Variants in KALRN observed in about 807,000 individuals in gnomAD.
KALRN encodes the protein kalirin RhoGEF kinase, also known as kalirin.
KALRN carries 70 observed loss-of-function variants against 353.7 expected under a neutral mutation model. The ratio of observed to expected loss-of-function variants is 0.20; its 90% CI spans 0.16 to 0.24. The LOEUF (loss-of-function observed/expected upper bound fraction) is 0.24, where lower values mean the gene tolerates loss of function less well. KALRN is among the 10% of genes least tolerant of loss of function. The probability of loss-of-function intolerance (pLI) is 1.00; values close to 1 mark genes in which losing one functional copy is unlikely to be tolerated. For missense variants in KALRN, 2,791 were observed against 3,756.7 expected, an observed-to-expected ratio of 0.74 and a Z score of 6.72; for synonymous variants, 1,391 against 1,434.8, an observed-to-expected ratio of 0.97 and a Z score of 0.69.
At chr3:124,164,233 C>T (rs1320949165) in intron 1 of KALRN, 1 of 153,326 alleles carries the variant, frequency 6.5e-6, no homozygotes, top group Non-Finnish European at 1.4e-5. Context: ...AATCTTGGAT[C>T]CAGGGCTAAA....
chr3:124,447,002 AG>A lies in KALRN; in HGVS notation c.3552+123del, dbSNP rs927058011. ...GCAAAAATACCTGGCTACAGTGGCA[AG>A]GGGGGAAGCATGTAAATGTCCTAAA... On this transcript the variant is annotated intron_variant, in intron 21 of 59. Coordinates refer to ENST00000682506, the MANE Select transcript of KALRN (RefSeq NM_001388419.1). 23 of 1,180,696 alleles carry A rather than the reference AG, an allele frequency of 1.9e-5. No homozygotes were observed. In the African/African-American group the frequency reaches 2.9e-4, roughly 15 times the overall value. 73.1% of individuals were successfully genotyped at this position (1,180,696 alleles called of 1,614,324 possible). A position where few individuals can be genotyped will look rare whatever the true frequency, so the allele number is the denominator to read the frequency against.
intron 10 of KALRN, among the ~76,000 whole-genome samples, chr3:124,369,355 G>A (rs2085500605): frequency 6.6e-6 from 1 of 152,056 alleles, no homozygotes; most frequent in African/African-American, 2.4e-5. Flanking sequence ...GTGGAACATT[G>A]CAAAGATGTG....
intron 33 of KALRN, among the ~76,000 whole-genome samples, chr3:124,532,789 A>G (rs1467851144): frequency 2.0e-5 from 3 of 152,172 alleles, no homozygotes; most frequent in Non-Finnish European, 1.5e-5. Context: ...CGACAGAGGA[A>G]GACTCTGTCT....
intron 1 of KALRN, among the ~76,000 whole-genome samples, chr3:124,081,048 C>T (rs190704386): frequency 2.0e-3 from 306 of 152,308 alleles, no homozygotes; most frequent in African/African-American, 6.7e-3. Flanking sequence ...CCCAACTATA[C>T]GCTCATCCCA....
chr3:124,329,380 G>A (rs1315191757), intron 7 of KALRN, among the ~76,000 whole-genome samples: 1 of 152,144 alleles, frequency 6.6e-6, no homozygotes, highest in Non-Finnish European at 1.5e-5. Flanking sequence ...AGTTTCCTGG[G>A]GTTCCTGGTG....
At chr3:124,701,220 G>T (rs749361835) in intron 56 of KALRN, among the ~76,000 whole-genome samples, 1 of 152,204 alleles carries the variant, frequency 6.6e-6, no homozygotes. Context: ...GCACGCGTGC[G>T]TGAATCATTG....
In KALRN at chr3:124,298,811, C is replaced by T; in HGVS notation, c.990C>T (p.His330=). 6.2e-7 allele frequency: 1 copy of T among 1,614,168 alleles called. No homozygotes were observed. Among genetic ancestry groups the T allele is most frequent in the Non-Finnish European group, 8.5e-7 (1 of 1,180,012 alleles). Residue 330 remains histidine, a synonymous_variant, in exon 6 of 60, where the codon CAC becomes CAT. Coordinates refer to ENST00000682506, the MANE Select transcript of KALRN (RefSeq NM_001388419.1). ...TCTAGATGTTTGACTGGATAAGCCA[C>T]AACAAGGAGTTATTCCTCCAGAGCC... ...DAEKMFDWIS[H]NKELFLQSHT... is the part of the protein sequence containing the mutation.
intron 1 of KALRN, among the ~76,000 whole-genome samples, chr3:124,205,088 G>C (rs2076297123): frequency 6.6e-6 from 1 of 152,190 alleles, no homozygotes; most frequent in Non-Finnish European, 1.5e-5. Flanking sequence ...AGGACATAGT[G>C]TTGCCTTGCC....
intron 1 of KALRN, chr3:124,152,449 T>C: frequency 7.6e-7 from 1 of 1,310,326 alleles, no homozygotes. Context: ...TGCAGGTACA[T>C]AGAAGTTGCC....
At chr3:124,661,809 G>A in intron 44 of KALRN, 42 bp from the exon 45 acceptor site, 1 of 1,481,862 alleles carries the variant, frequency 6.7e-7, no homozygotes, top group Non-Finnish European at 9.4e-7. Context: ...TCCTGCCTGA[G>A]TGCTGTTCCC....
At chr3:124,183,075 G>A (rs2073818388) in intron 1 of KALRN, among the ~76,000 whole-genome samples, 1 of 152,132 alleles carries the variant, frequency 6.6e-6, no homozygotes, top group African/African-American at 2.4e-5. Context: ...AGGCTTTCAA[G>A]AGGTGATTAA....
chr3:124,266,869 A>C (rs2148906393), intron 4 of KALRN, among the ~76,000 whole-genome samples: 1 of 152,344 alleles, frequency 6.6e-6, no homozygotes, highest in African/African-American at 2.4e-5. Context: ...TGGCTTGTTT[A>C]TACAGAGGTG....
At chr3:124,394,982 G>A (rs2089969770) in intron 11 of KALRN, among the ~76,000 whole-genome samples, 153 bp from the exon 12 acceptor site, 1 of 152,082 alleles carries the variant, frequency 6.6e-6, no homozygotes, top group East Asian at 1.9e-4. Context: ...GAATATAAAT[G>A]TAAAAACACA....
chr3:124,176,899 T>C (rs2150162174), intron 1 of KALRN, among the ~76,000 whole-genome samples: 1 of 152,308 alleles, frequency 6.6e-6, no homozygotes, highest in African/African-American at 2.4e-5. Context: ...GGAGATTACC[T>C]CTTACCTGAT....
At chr3:124,064,920 C>T (rs974131215) in intron 1 of KALRN, among the ~76,000 whole-genome samples, 2 of 152,180 alleles carry the variant, frequency 1.3e-5, no homozygotes, top group Non-Finnish European at 2.9e-5. Context: ...CAGGATGACC[C>T]CCCAATCCCT....
At chr3:124,348,627 A>G (rs1342906939) in intron 10 of KALRN, among the ~76,000 whole-genome samples, 2 of 152,174 alleles carry the variant, frequency 1.3e-5, no homozygotes, top group Non-Finnish European at 2.9e-5. Flanking sequence ...GTGGAAAACA[A>G]TGTGGAGGGT....
intron 51 of KALRN, among the ~76,000 whole-genome samples, chr3:124,686,962 C>A (rs181529847): frequency 6.6e-6 from 1 of 151,648 alleles, no homozygotes; most frequent in Non-Finnish European, 1.5e-5. Context: ...ACTACAGGCA[C>A]GTGCCACCAT....
At chr3:124,483,361 G>C (rs1470137158) in intron 28 of KALRN, among the ~76,000 whole-genome samples, 2 of 152,082 alleles carry the variant, frequency 1.3e-5, no homozygotes, top group African/African-American at 2.4e-5. Flanking sequence ...GACCAGCCTG[G>C]CCAACATGGC....
At chr3:124,126,740 G>A (rs1344323854) in intron 1 of KALRN, among the ~76,000 whole-genome samples, 1 of 152,192 alleles carries the variant, frequency 6.6e-6, no homozygotes, top group Non-Finnish European at 1.5e-5. Flanking sequence ...AAGCTCTGCT[G>A]TACCATGCTC....
Sources: allele counts gnomAD v4.1 joint callset (sites outside exome capture counted in the v4.1 genomes callset), GRCh38; gene constraint gnomAD v4.1.1; transcripts MANE v1.5; gene names NCBI Gene and HGNC (gene_info 2026-07-23, HGNC 2026-07-21).